Variants in MIER1 observed in about 807,000 individuals in gnomAD.
The protein encoded by MIER1 is MIER1 transcriptional regulator, also known as mesoderm induction early response protein 1.
Under a neutral mutation model 75.7 loss-of-function variants are expected in MIER1, and 40 were observed. That is an observed-to-expected ratio of 0.53 (90% CI 0.41 to 0.69). The LOEUF is 0.69. Ranked by LOEUF, MIER1 falls within the 30% of genes least tolerant of loss-of-function variation. MIER1 has a pLI of 0.00. For missense variants in MIER1, 574 were observed against 680.2 expected, an observed-to-expected ratio of 0.84 and a Z score of 1.74; for synonymous variants, 213 against 223.4, an observed-to-expected ratio of 0.95 and a Z score of 0.42.
At chr1:66,963,561 A>G (rs1661684724) in intron 8 of MIER1, among the ~76,000 whole-genome samples, 1 of 152,206 alleles carries the variant, frequency 6.6e-6, no homozygotes, top group East Asian at 1.9e-4. Flanking sequence ...AACTGATATA[A>G]ACAGCTTATT....
intron 4 of MIER1, among the ~76,000 whole-genome samples, chr1:66,949,640 T>A (rs1346270806): frequency 6.6e-6 from 1 of 152,214 alleles, no homozygotes; most frequent in Non-Finnish European, 1.5e-5. Context: ...TGGGGCCAAT[T>A]TGTTGGATTT....
chr1:66,926,344 C>A, intron 2 of MIER1, 102 bp downstream of exon 2: 2 of 843,872 alleles, frequency 2.4e-6, no homozygotes, highest in Admixed American at 2.4e-5. Flanking sequence ...TGTTTGAGAA[C>A]TGATGGGCCA....
At position 66,958,835 on chromosome 1, in the gene MIER1, A is replaced by G. The variant is rs182896530; in HGVS notation, c.502-16A>G. ...TTTCCTTACATCTTAGAGAAATTTA[A>G]TTTATTATTCCACAGGAGGAGAATA... On this transcript the variant is annotated splice_polypyrimidine_tract_variant and intron_variant, in intron 5 of 13. Transcript: ENST00000401041. 6.9e-4 allele frequency: 1,090 copies of G among 1,584,328 alleles called. 6 individuals carry two copies. In the African/African-American group the frequency reaches 0.012, roughly 18 times the overall value.
chr1:66,961,661 G>A (rs1661278864), intron 7 of MIER1, among the ~76,000 whole-genome samples: 1 of 152,116 alleles, frequency 6.6e-6, no homozygotes, highest in Non-Finnish European at 1.5e-5. Flanking sequence ...TAATTTAATT[G>A]TCCTGCAGTG....
intron 8 of MIER1, among the ~76,000 whole-genome samples, chr1:66,963,397 T>C (rs1219194306): frequency 1.3e-5 from 2 of 152,222 alleles, no homozygotes; most frequent in Non-Finnish European, 2.9e-5. Flanking sequence ...CTTTTTTTCA[T>C]TTTAAAGTGA....
At chr1:66,980,459 C>T (rs1274347718) in intron 12 of MIER1, among the ~76,000 whole-genome samples, 2 of 152,052 alleles carry the variant, frequency 1.3e-5, no homozygotes, top group African/African-American at 2.4e-5. Context: ...GTATCACATC[C>T]CTATATTTGT....
chr1:66,949,021 G>A (rs957109417), intron 4 of MIER1, among the ~76,000 whole-genome samples: 10 of 152,094 alleles, frequency 6.6e-5, no homozygotes, highest in African/African-American at 2.4e-4. Context: ...CAGTTATAAG[G>A]GAAACAGTTG....
chr1:66,979,953 A>G (rs1570533030), intron 12 of MIER1, among the ~76,000 whole-genome samples: 1 of 151,492 alleles, frequency 6.6e-6, no homozygotes, highest in Non-Finnish European at 1.5e-5. Flanking sequence ...TAGTAGAGAC[A>G]GGGTTTCTCC....
intron 11 of MIER1, among the ~76,000 whole-genome samples, chr1:66,975,714 A>C (rs1347827168): frequency 6.6e-6 from 1 of 152,154 alleles, no homozygotes; most frequent in Non-Finnish European, 1.5e-5. Context: ...GGAGCCATTC[A>C]GTTGCACAAA....
In MIER1 at chr1:66,987,113, AAAAT is replaced by A. The variant is rs1176411357; in HGVS notation, c.*2215_*2218del. 1.3e-5 allele frequency: 2 copies of A among 152,744 alleles called. No homozygotes were observed. The highest frequency in any genetic ancestry group is 4.8e-5 in the African/African-American group (2 of 41,480). The allele number at this position is 152,744 out of a possible 1,614,324, so 9.5% of individuals were successfully genotyped here. Reference sequence around the variant, plus strand: ...AAATGTTACTTTTGTTAATCTTTAAAAAATACACCTAATGAAAGACATTCCACTA... The same window carrying A: ...AAATGTTACTTTTGTTAATCTTTAAAACACCTAATGAAAGACATTCCACTA... On this transcript the variant is annotated 3_prime_UTR_variant, in exon 14 of 14. Coordinates refer to ENST00000401041, the MANE Select transcript of MIER1 (RefSeq NM_001077700.3).
chr1:66,931,114 AT>A (rs1653227222), intron 2 of MIER1, among the ~76,000 whole-genome samples: 1 of 141,202 alleles, frequency 7.1e-6, no homozygotes, highest in Non-Finnish European at 1.5e-5. Context: ...TTCTCTTCTA[AT>A]TTTTCTTTCA....
At chr1:66,953,510 T>G (rs1659440959) in intron 4 of MIER1, among the ~76,000 whole-genome samples, 2 of 152,194 alleles carry the variant, frequency 1.3e-5, no homozygotes, top group Non-Finnish European at 2.9e-5. Context: ...TTTTCTTTGT[T>G]GCTTACTAAG....
intron 11 of MIER1, among the ~76,000 whole-genome samples, chr1:66,974,527 AATGATAGCTT>A (rs1664316838): frequency 6.6e-6 from 1 of 152,032 alleles, no homozygotes; most frequent in African/African-American, 2.4e-5. Context: ...GGACCCCTGG[AATGATAGCTT>A]ATGTAACAAG....
chr1:66,961,399 T>G (rs1337838748), intron 7 of MIER1, among the ~76,000 whole-genome samples: 1 of 152,198 alleles, frequency 6.6e-6, no homozygotes, highest in African/African-American at 2.4e-5. Context: ...GTCAGCCTTA[T>G]GGGGCTTGCT....
chr1:66,964,194 C>T (rs1661857853), intron 8 of MIER1, among the ~76,000 whole-genome samples: 1 of 150,568 alleles, frequency 6.6e-6, no homozygotes, highest in Non-Finnish European at 1.5e-5. Context: ...GCCTCAGCCT[C>T]CTGAGTAGCT....
chr1:66,961,623 G>T (rs2985796), intron 7 of MIER1, among the ~76,000 whole-genome samples: 12,242 of 152,228 alleles, frequency 0.08, 650 homozygotes, highest in African/African-American at 0.15. Context: ...TAGATGTACT[G>T]ACTACCAGGG....
intron 11 of MIER1, 135 bp from the exon 12 acceptor site, chr1:66,976,460 A>T (rs1664749730): frequency 1.6e-6 from 1 of 627,182 alleles, no homozygotes; most frequent in Non-Finnish European, 2.5e-6. Context: ...CATAGCTGCT[A>T]CACTGTTGTA....
chr1:66,959,100 G>A, intron 6 of MIER1, 117 bp downstream of exon 6: 2 of 844,522 alleles, frequency 2.4e-6, no homozygotes, highest in Admixed American at 2.5e-5. Context: ...CTTTTCAACA[G>A]TAAATGGATT....
intron 12 of MIER1, among the ~76,000 whole-genome samples, chr1:66,978,341 A>C (rs1372279870): frequency 6.6e-6 from 1 of 152,214 alleles, no homozygotes; most frequent in East Asian, 1.9e-4. Flanking sequence ...TCTAAAGCCC[A>C]CAGTAAAACA....
Sources: gnomAD v4.1 joint callset for allele counts (sites outside exome capture counted in the v4.1 genomes callset) on GRCh38, gnomAD v4.1.1 for gene constraint, MANE v1.5 for transcripts, NCBI Gene and HGNC (gene_info 2026-07-23, HGNC 2026-07-21) for gene names.